Variants in TBC1D8 observed in about 807,000 individuals in gnomAD.
TBC1D8 encodes BUB2-like protein 1.
In TBC1D8, 65 loss-of-function variants were observed where a neutral mutation model predicts 118.8. The observed-to-expected ratio is 0.55, with a 90% CI of 0.45 to 0.67. TBC1D8 has a LOEUF of 0.67. Among genes scored for constraint, TBC1D8 ranks in the 30% least tolerant of loss-of-function variants. TBC1D8 has a pLI of 0.00. For missense variants in TBC1D8, 1,376 were observed against 1,471.2 expected, an observed-to-expected ratio of 0.94 and a Z score of 1.06; for synonymous variants, 566 against 595.8, an observed-to-expected ratio of 0.95 and a Z score of 0.73.
At chr2:101,129,185 G>A (rs1180372722) in intron 1 of TBC1D8, among the ~76,000 whole-genome samples, 2 of 152,074 alleles carry the variant, frequency 1.3e-5, no homozygotes, top group Non-Finnish European at 2.9e-5. Flanking sequence ...TGTCGCCCAG[G>A]TTGGAGTACA....
chr2:101,045,302 C>T (rs1396331834), intron 5 of TBC1D8, among the ~76,000 whole-genome samples: 1 of 152,200 alleles, frequency 6.6e-6, no homozygotes, highest in Non-Finnish European at 1.5e-5. Context: ...TTTGTCTCTC[C>T]TACTTTCGGT....
chr2:101,031,006 T>G (rs1680637812), intron 11 of TBC1D8, among the ~76,000 whole-genome samples: 1 of 151,906 alleles, frequency 6.6e-6, no homozygotes, highest in South Asian at 2.1e-4. Flanking sequence ...GAGAACTTGC[T>G]GGGGTGATGC....
chr2:101,028,003 G>A, intron 14 of TBC1D8, 45 bp downstream of exon 14: 1 of 1,576,646 alleles, frequency 6.3e-7, no homozygotes, highest in Non-Finnish European at 8.7e-7. Flanking sequence ...TCCCAGGTTG[G>A]CTCCCCAATA....
At chr2:101,040,084 G>GA in intron 6 of TBC1D8, 94 bp downstream of exon 6, 1 of 1,432,238 alleles carries the variant, frequency 7.0e-7, no homozygotes. Flanking sequence ...TGTGCCGTCT[G>GA]AACTTCCCCT....
chr2:101,033,276 C>A (rs1247682884), intron 10 of TBC1D8: 1 of 479,458 alleles, frequency 2.1e-6, no homozygotes, highest in African/African-American at 2.0e-5. Context: ...GCCACCATGC[C>A]CAGCTAATTT....
At chr2:101,068,094 C>A (rs1289757594) in intron 2 of TBC1D8, among the ~76,000 whole-genome samples, 1 of 152,168 alleles carries the variant, frequency 6.6e-6, no homozygotes, top group African/African-American at 2.4e-5. Flanking sequence ...AATTCCAGTT[C>A]TCTTGCTGTT....
chr2:101,045,843 A>G (rs1417195342), intron 5 of TBC1D8, among the ~76,000 whole-genome samples: 2 of 152,030 alleles, frequency 1.3e-5, no homozygotes, highest in Non-Finnish European at 2.9e-5. Flanking sequence ...AAAATACAAA[A>G]ATTAGCCAGC....
At chr2:101,143,180 A>G (rs1226799255) in intron 1 of TBC1D8, among the ~76,000 whole-genome samples, 2 of 150,144 alleles carry the variant, frequency 1.3e-5, no homozygotes, top group African/African-American at 4.9e-5. Flanking sequence ...CCCCTGCCTC[A>G]GCCTCCCAAG....
At chr2:101,028,551 G>T in intron 12 of TBC1D8, 119 bp from the exon 13 acceptor site, 1 of 1,382,422 alleles carries the variant, frequency 7.2e-7, no homozygotes, top group Non-Finnish European at 9.6e-7. Context: ...TGGGAGGAGG[G>T]CAAGGCTGCA....
At position 101,050,349 on chromosome 2, in the gene TBC1D8, G is replaced by T. The variant is rs1360656163; in HGVS notation, c.872+52C>A. The T allele has an allele frequency of 6.9e-6, 11 of 1,583,580 alleles. No homozygotes were observed. The Admixed American group carries it at 1.9e-4, about 27-fold the overall frequency. ...CACTTGTACATAAGGGATGGGCACA[G>T]CTTATGGGTCCCCCGTGCGGGTGGG... is the stretch of plus-strand genomic sequence containing the variant. On this transcript the variant is annotated intron_variant, in intron 5 of 19. Transcript: ENST00000409318.
chr2:101,118,430 C>T (rs778364946), intron 1 of TBC1D8, among the ~76,000 whole-genome samples: 5 of 152,198 alleles, frequency 3.3e-5, no homozygotes, highest in Non-Finnish European at 5.9e-5. Flanking sequence ...GGCACAGTGG[C>T]TCATGCCTGT....
chr2:101,117,635 G>A lies in TBC1D8; in HGVS notation c.128-27271C>T, dbSNP rs571498362. On this transcript the variant is annotated intron_variant, in intron 1 of 19. Transcript: ENST00000409318. ...GTCGCCCAGGCTGGAGTGCAGTGGC[G>A]CCATCTCGGTTCACTGCAAGCTCTG... is the stretch of plus-strand genomic sequence containing the variant. Among the ~76,000 whole-genome samples, 26 of 147,446 alleles carry A rather than the reference G, an allele frequency of 1.8e-4. 1 individual carries two copies. The South Asian group carries it at 4.3e-3, about 24-fold the overall frequency.
At chr2:101,125,639 T>C (rs1678315751) in intron 1 of TBC1D8, among the ~76,000 whole-genome samples, 1 of 152,238 alleles carries the variant, frequency 6.6e-6, no homozygotes, top group African/African-American at 2.4e-5. Flanking sequence ...AGGCAATGTT[T>C]CCTGTCTTTT....
At chr2:101,018,509 C>T (rs1679821305) in intron 17 of TBC1D8, among the ~76,000 whole-genome samples, 1 of 152,212 alleles carries the variant, frequency 6.6e-6, no homozygotes, top group African/African-American at 2.4e-5. Flanking sequence ...AAGGAAACTT[C>T]TATTCCTTCA....
intron 19 of TBC1D8, among the ~76,000 whole-genome samples, chr2:101,009,853 GCT>G (rs1045063049): frequency 1.9e-4 from 27 of 143,942 alleles, no homozygotes; most frequent in African/African-American, 6.6e-4. Flanking sequence ...ATGGAGTCTC[GCT>G]CTGTCGCCCA....
chr2:101,036,496 G>A (rs1356914213), intron 8 of TBC1D8, among the ~76,000 whole-genome samples: 1 of 152,080 alleles, frequency 6.6e-6, no homozygotes, highest in Non-Finnish European at 1.5e-5. Flanking sequence ...TCAGATGGGA[G>A]GGAGGGGTGG....
At chr2:101,022,089 C>G (rs529624767) in intron 16 of TBC1D8, among the ~76,000 whole-genome samples, 192 bp downstream of exon 16, 116 of 152,194 alleles carry the variant, frequency 7.6e-4, no homozygotes, top group Non-Finnish European at 1.4e-3. Context: ...GTGGGCCCCT[C>G]TCCCATCCCC....
chr2:101,082,441 T>C (rs1675327141), intron 2 of TBC1D8, among the ~76,000 whole-genome samples: 1 of 152,178 alleles, frequency 6.6e-6, no homozygotes, highest in Non-Finnish European at 1.5e-5. Context: ...CCTCCCAGCA[T>C]TCCTGCTCCC....
intron 15 of TBC1D8, among the ~76,000 whole-genome samples, chr2:101,024,985 A>G (rs1362557639): frequency 6.6e-6 from 1 of 152,210 alleles, no homozygotes; most frequent in African/African-American, 2.4e-5. Flanking sequence ...ATAGATTCTC[A>G]TCTAGAACAA....
Sources: allele counts gnomAD v4.1 joint callset (sites outside exome capture counted in the v4.1 genomes callset), GRCh38; gene constraint gnomAD v4.1.1; transcripts MANE v1.5; gene names NCBI Gene and HGNC (gene_info 2026-07-23, HGNC 2026-07-21).